NEDD4L: variants seen among roughly 807,000 people sequenced by gnomAD.
The protein encoded by NEDD4L is E3 ubiquitin-protein ligase NEDD4-like.
In NEDD4L, 54 loss-of-function variants were observed where a neutral mutation model predicts 148.9. That is an observed-to-expected ratio of 0.36 (90% CI 0.29 to 0.45). The LOEUF is 0.45. Among genes scored for constraint, NEDD4L ranks in the 20% least tolerant of loss-of-function variants. The pLI, the probability that NEDD4L is intolerant of heterozygous loss-of-function variation, is 1.00. For synonymous variants in NEDD4L, 433 were observed against 440.7 expected (o/e 0.98, Z 0.22); for missense variants, 856 against 1,233.8 (o/e 0.69, Z 4.59).
In NEDD4L at chr18:58,203,899, T is replaced by C. The variant is rs1379996202; in HGVS notation, c.122+38038T>C. ...GAAAGTTTTTCAGTCTGAAGATTTA[T>C]ACTAATCTTATCACCCTGGTTTTAG... On this transcript the variant is annotated intron_variant, in intron 2 of 30. Coordinates refer to ENST00000400345, the MANE Select transcript of NEDD4L (RefSeq NM_001144967.3). Among the ~76,000 whole-genome samples the C allele has an allele frequency of 2.6e-5, 4 of 152,314 alleles. No individual in the cohort carries two copies. The East Asian group carries it at 7.7e-4, about 29-fold the overall frequency.
At chr18:58,276,927 G>A (rs1430488205) in intron 5 of NEDD4L, among the ~76,000 whole-genome samples, 2 of 145,790 alleles carry the variant, frequency 1.4e-5, no homozygotes, top group East Asian at 3.9e-4. Context: ...TTTTGGTGGA[G>A]TGGACCGTGT....
intron 1 of NEDD4L, among the ~76,000 whole-genome samples, chr18:58,048,495 G>A (rs1273019114): frequency 2.0e-5 from 3 of 152,142 alleles, no homozygotes; most frequent in Non-Finnish European, 4.4e-5. Context: ...ACCTGCATAA[G>A]GACACAAAAC....
chr18:58,359,289 A>T (rs1418591594), intron 19 of NEDD4L, among the ~76,000 whole-genome samples: 1 of 150,758 alleles, frequency 6.6e-6, no homozygotes, highest in Non-Finnish European at 1.5e-5. Flanking sequence ...TTGATAGAGT[A>T]CTCTCTATTT....
intron 2 of NEDD4L, among the ~76,000 whole-genome samples, chr18:58,175,137 A>T (rs1371659964): frequency 6.6e-6 from 1 of 152,186 alleles, no homozygotes; most frequent in Non-Finnish European, 1.5e-5. Flanking sequence ...GCAAATCCTG[A>T]GCCAACGTTT....
intron 16 of NEDD4L, among the ~76,000 whole-genome samples, chr18:58,347,221 C>CCCCCCCCCCCCCA: frequency 1.1e-5 from 1 of 94,256 alleles, no homozygotes; most frequent in Non-Finnish European, 2.2e-5. Context: ...CCCGCCCCCC[C>CCCCCCCCCCCCCA]CCCCCCTTTA....
intron 19 of NEDD4L, 30 bp from the exon 20 acceptor site, chr18:58,364,238 A>G (rs1312627098): frequency 7.5e-7 from 1 of 1,335,304 alleles, no homozygotes; most frequent in Admixed American, 2.0e-5. Flanking sequence ...TATTGTTTGC[A>G]TTATCTATAT....
At chr18:58,103,661 A>G (rs2084903850) in intron 1 of NEDD4L, among the ~76,000 whole-genome samples, 3 of 152,174 alleles carry the variant, frequency 2.0e-5, no homozygotes, top group African/African-American at 7.2e-5. Flanking sequence ...CCAAAAATCG[A>G]GAGGGAATTG....
intron 2 of NEDD4L, among the ~76,000 whole-genome samples, chr18:58,187,483 A>G (rs955348871): frequency 6.6e-6 from 1 of 152,176 alleles, no homozygotes; most frequent in South Asian, 2.1e-4. Context: ...ATAAAGAAAA[A>G]ATTTAAATCT....
Position 58,240,028 on chromosome 18 carries a change from A to G in NEDD4L, c.123-5399A>G, listed in dbSNP as rs73454646. 4.5e-3 allele frequency among the ~76,000 whole-genome samples: 690 copies of G among 152,322 alleles called. 4 individuals are homozygous for G. The highest frequency in any genetic ancestry group is 0.015 in the African/African-American group (617 of 41,586). ...TCTTGGTGACCTCTCCTGAGAGAGC[A>G]GGTGCCTGAGGATTTCCTGCTGAGT... On this transcript the variant is annotated intron_variant, in intron 2 of 30. Coordinates refer to ENST00000400345, the MANE Select transcript of NEDD4L (RefSeq NM_001144967.3).
chr18:58,115,074 G>T (rs72942954), intron 1 of NEDD4L, among the ~76,000 whole-genome samples: 3 of 152,094 alleles, frequency 2.0e-5, no homozygotes, highest in Non-Finnish European at 4.4e-5. Flanking sequence ...ATTAGGACTC[G>T]CGCATCTTGG....
chr18:58,171,558 T>C (rs889823607), intron 2 of NEDD4L, among the ~76,000 whole-genome samples: 5 of 152,272 alleles, frequency 3.3e-5, no homozygotes, highest in Non-Finnish European at 7.3e-5. Context: ...GCTCAGAGGC[T>C]CCAGCCCTGT....
chr18:58,240,509 G>A (rs778673758), intron 2 of NEDD4L, among the ~76,000 whole-genome samples: 2 of 152,134 alleles, frequency 1.3e-5, no homozygotes, highest in Non-Finnish European at 2.9e-5. Flanking sequence ...CTAGGGCCCC[G>A]TGTGTAATGG....
At position 58,364,461 on chromosome 18, in the gene NEDD4L, T is replaced by G. The variant is rs887339091; in HGVS notation, c.1833+128T>G. ...AAAAATATTACCTTCCTTTTCTCTC[T>G]GCACTTTGATCCTCCTGGTTCTAAA... On this transcript the variant is annotated intron_variant, in intron 20 of 30. Coordinates refer to ENST00000400345, the MANE Select transcript of NEDD4L (RefSeq NM_001144967.3). The G allele has an allele frequency of 1.2e-5, 7 of 608,390 alleles. No individual in the cohort carries two copies. The African/African-American group carries it at 1.3e-4, about 11-fold the overall frequency. 37.7% of individuals were successfully genotyped at this position (608,390 alleles called of 1,614,324 possible).
At chr18:58,284,602 G>A (rs2053631542) in intron 5 of NEDD4L, among the ~76,000 whole-genome samples, 1 of 152,124 alleles carries the variant, frequency 6.6e-6, no homozygotes, top group South Asian at 2.1e-4. Context: ...TTCGTTGCAT[G>A]TGGGTACACC....
intron 12 of NEDD4L, 88 bp from the exon 13 acceptor site, chr18:58,335,390 A>G: frequency 1.9e-6 from 2 of 1,078,688 alleles, no homozygotes; most frequent in Non-Finnish European, 1.4e-6. Flanking sequence ...CACCTGCCTT[A>G]CAGCGCTGCC....
intron 8 of NEDD4L, 82 bp from the exon 9 acceptor site, chr18:58,324,914 G>T: frequency 7.7e-7 from 1 of 1,294,206 alleles, no homozygotes. Context: ...AAGGAGAAGG[G>T]CATGCAGGGC....
intron 1 of NEDD4L, among the ~76,000 whole-genome samples, chr18:58,107,991 A>G (rs915989335): frequency 3.3e-5 from 5 of 152,082 alleles, no homozygotes; most frequent in Non-Finnish European, 7.4e-5. Flanking sequence ...AAGTACTGGG[A>G]TTACAGGCAT....
intron 1 of NEDD4L, among the ~76,000 whole-genome samples, chr18:58,138,831 T>C (rs1461390763): frequency 6.6e-6 from 1 of 152,218 alleles, no homozygotes; most frequent in Non-Finnish European, 1.5e-5. Context: ...GATCACCTCG[T>C]AAAGGCTCCA....
chr18:58,084,332 A>G (rs2083635272), intron 1 of NEDD4L, among the ~76,000 whole-genome samples: 1 of 152,194 alleles, frequency 6.6e-6, no homozygotes, highest in Non-Finnish European at 1.5e-5. Context: ...GATTATGAGG[A>G]TGCTTGTACG....
Sources: gnomAD v4.1 joint callset for allele counts (sites outside exome capture counted in the v4.1 genomes callset) on GRCh38, gnomAD v4.1.1 for gene constraint, MANE v1.5 for transcripts, NCBI Gene and HGNC (gene_info 2026-07-23, HGNC 2026-07-21) for gene names.